ERMP1: variants seen among roughly 807,000 people sequenced by gnomAD.
ERMP1 encodes the protein endoplasmic reticulum metallopeptidase 1.
ERMP1 carries 86 observed loss-of-function variants against 92.0 expected under a neutral mutation model. The observed-to-expected ratio is 0.93, with a 90% CI of 0.79 to 1.12. The LOEUF is 1.12. Among genes scored for constraint, ERMP1 ranks in the 50% most tolerant of loss-of-function variants. ERMP1 has a pLI of 0.00. For synonymous variants in ERMP1, 530 were observed against 412.8 expected, an observed-to-expected ratio of 1.28 and a Z score of -3.44; for missense variants, 1,342 against 1,116.3, an observed-to-expected ratio of 1.20 and a Z score of -2.88.
chr9:5,833,067 G>C lies in ERMP1; in HGVS notation c.-40C>G, dbSNP rs1586830316. Reference sequence around the variant, plus strand: ...GCTGCCAGCCCAACCGCCCCAACCCGCGACAGCCCCGGCCGCCGCCGACGC... The same window carrying C: ...GCTGCCAGCCCAACCGCCCCAACCCCCGACAGCCCCGGCCGCCGCCGACGC... On this transcript the variant is annotated 5_prime_UTR_variant, in exon 1 of 15. Coordinates refer to ENST00000339450, the MANE Select transcript of ERMP1 (RefSeq NM_024896.3). 2.1e-6 allele frequency: 3 copies of C among 1,398,118 alleles called. No individual in the cohort carries two copies. Among genetic ancestry groups the C allele is most frequent in the Non-Finnish European group, 9.3e-7 (1 of 1,080,192 alleles). 86.6% of individuals were successfully genotyped at this position (1,398,118 alleles called of 1,614,324 possible).
chr9:5,814,505 G>A (rs907591602), intron 4 of ERMP1, among the ~76,000 whole-genome samples: 13 of 152,232 alleles, frequency 8.5e-5, no homozygotes, highest in Admixed American at 7.8e-4. Context: ...CACTTTAGGA[G>A]GCCGAGGTGG....
chr9:5,814,271 G>T (rs188473658), intron 4 of ERMP1, among the ~76,000 whole-genome samples: 1 of 152,194 alleles, frequency 6.6e-6, no homozygotes, highest in African/African-American at 2.4e-5. Context: ...AAACCAAAAT[G>T]CAACACGAGC....
chr9:5,825,134 A>C lies in ERMP1; in HGVS notation c.726T>G (p.Ala242=). 6.2e-7 allele frequency: 1 copy of C among 1,614,154 alleles called. No individual in the cohort carries two copies. Among genetic ancestry groups the C allele is most frequent in the Non-Finnish European group, 8.5e-7 (1 of 1,179,974 alleles). Residue 242 remains alanine (A), a synonymous_variant, in exon 3 of 15, where the codon GCT becomes GCG. Coordinates refer to ENST00000339450, the MANE Select transcript of ERMP1 (RefSeq NM_024896.3). ...LSTSSEALHH[A]VIFLFNGAEE... ...CAGCACCATTAAAGAGAAATATGAC[A>C]GCATGATGCAAGGCTTCTGAAGATG...
chr9:5,850,405 CAAAAAAAA>C (rs59464514), intron 6 of ERMP1, among the ~76,000 whole-genome samples: 23 of 40,598 alleles, frequency 5.7e-4, no homozygotes, highest in African/African-American at 1.8e-3. Flanking sequence ...AACTCCGTCT[CAAAAAAAA>C]AAAAAAAAAA....
At chr9:5,807,106 C>T (rs1190123805) in intron 8 of ERMP1, among the ~76,000 whole-genome samples, 3 of 152,310 alleles carry the variant, frequency 2.0e-5, no homozygotes. Context: ...AGTGCCCAAA[C>T]TGCACCAAAG....
At chr9:5,794,080 A>G (rs978991921) in intron 13 of ERMP1, among the ~76,000 whole-genome samples, 1 of 152,162 alleles carries the variant, frequency 6.6e-6, no homozygotes, top group African/African-American at 2.4e-5. Context: ...AATAGAATTC[A>G]TACAAAGTAT....
Position 5,811,173 on chromosome 9 carries a change from T to C in ERMP1, c.1265A>G (p.Tyr422Cys), listed in dbSNP as rs751893530. 5 of 1,613,970 alleles carry C rather than the reference T, an allele frequency of 3.1e-6. No homozygotes were observed. The highest frequency in any genetic ancestry group is 1.3e-5 in the African/African-American group (1 of 74,886). Residue 422 changes from tyrosine to cysteine, a missense_variant, in exon 7 of 15, where the codon TAC (tyrosine) becomes TGC (cysteine). Coordinates refer to ENST00000339450, the MANE Select transcript of ERMP1 (RefSeq NM_024896.3). ...CAAAACAACACCCATTACCACCATGTAGTTTATGATTGAGCCAATACGAGA... is the reference window on the plus strand; with the variant it reads ...CAAAACAACACCCATTACCACCATGCAGTTTATGATTGAGCCAATACGAGA... ...YPSRIGSIIN[Y>C]MVVMGVVLYL...
intron 13 of ERMP1, among the ~76,000 whole-genome samples, chr9:5,797,420 C>G (rs1012961378): frequency 2.0e-4 from 30 of 151,998 alleles, no homozygotes; most frequent in Non-Finnish European, 1.6e-4. Flanking sequence ...GAGGCCGAGG[C>G]AGGCAGACCA....
chr9:5,857,987 G>A (rs1830401702), intron 6 of ERMP1, among the ~76,000 whole-genome samples: 1 of 152,154 alleles, frequency 6.6e-6, no homozygotes, highest in African/African-American at 2.4e-5. Context: ...TCTTTTTCAG[G>A]TGCCCAGGAT....
At chr9:5,840,591 G>A (rs1026047981) in intron 6 of ERMP1, among the ~76,000 whole-genome samples, 2 of 152,242 alleles carry the variant, frequency 1.3e-5, no homozygotes, top group Admixed American at 6.5e-5. Flanking sequence ...GGAAAATAGG[G>A]ATGCAAGAGG....
At chr9:5,802,996 G>T (rs1828730086) in intron 10 of ERMP1, among the ~76,000 whole-genome samples, 1 of 152,056 alleles carries the variant, frequency 6.6e-6, no homozygotes, top group Admixed American at 6.5e-5. Flanking sequence ...TTACACCACT[G>T]CACTCCAGCC....
At chr9:5,855,875 G>T in intron 6 of ERMP1, 1 of 195,470 alleles carries the variant, frequency 5.1e-6, no homozygotes, top group South Asian at 1.0e-4. Flanking sequence ...AAAAATGGTG[G>T]AGCAAGCCTG....
rs901649320 is a variant in ERMP1 at position 5,823,837 on chromosome 9, T to C, written c.874+59A>G. The C allele has an allele frequency of 1.3e-5, 15 of 1,170,290 alleles. No individual in the cohort carries two copies. In the African/African-American group the frequency reaches 2.2e-4, roughly 17 times the overall value. 72.5% of individuals were successfully genotyped at this position (1,170,290 alleles called of 1,614,324 possible). On this transcript the variant is annotated intron_variant, in intron 4 of 14. Coordinates refer to ENST00000339450, the MANE Select transcript of ERMP1 (RefSeq NM_024896.3). Reference sequence around the variant, plus strand: ...GAAGATATTATTTATAATCAAAAACTTTCTACTTTTACAAAAACTAGAATT... The same window carrying C: ...GAAGATATTATTTATAATCAAAAACCTTCTACTTTTACAAAAACTAGAATT...
rs747599955 is a variant in ERMP1, at chr9:5,787,536, C to T, written c.2444G>A (p.Trp815Ter). 1 of 1,614,004 alleles carries T rather than the reference C, an allele frequency of 6.2e-7. No homozygotes were observed. Among genetic ancestry groups the T allele is most frequent in the South Asian group, 1.1e-5 (1 of 91,054 alleles). The change falls in exon 14 of 15, where the codon TGG (tryptophan) becomes TAG (stop). Residue 815 changes from tryptophan to a stop codon, truncating the protein, a stop_gained. Coordinates refer to ENST00000339450, the MANE Select transcript of ERMP1 (RefSeq NM_024896.3). LOFTEE classifies it high-confidence loss of function. ...RAHKGSTLSQ[W>*]SLGNGTPVTS... Reference sequence around the variant, plus strand: ...GACTGGGGTGCCATTGCCAAGAGACCACTGAGAAAGTGTTGACCCTTTGTG... The same window carrying T: ...GACTGGGGTGCCATTGCCAAGAGACTACTGAGAAAGTGTTGACCCTTTGTG...
At chr9:5,821,558 T>C (rs963816331) in intron 4 of ERMP1, among the ~76,000 whole-genome samples, 5 of 152,220 alleles carry the variant, frequency 3.3e-5, no homozygotes, top group Admixed American at 3.3e-4. Flanking sequence ...AGTCTGGACC[T>C]GACTAGCCCT....
intron 13 of ERMP1, among the ~76,000 whole-genome samples, chr9:5,792,374 G>A (rs538459506): frequency 6.6e-6 from 1 of 152,304 alleles, no homozygotes; most frequent in African/African-American, 2.4e-5. Flanking sequence ...GAAGCTGGAA[G>A]ACCTAACTGC....
At chr9:5,831,111 C>T (rs1829921973) in intron 1 of ERMP1, 83 bp from the exon 2 acceptor site, 1 of 1,079,736 alleles carries the variant, frequency 9.3e-7, no homozygotes, top group Non-Finnish European at 1.4e-6. Flanking sequence ...CACACCCCTT[C>T]CTCCCCAAAA....
At chr9:5,845,179 A>G (rs1183394414) in intron 6 of ERMP1, among the ~76,000 whole-genome samples, 1 of 149,026 alleles carries the variant, frequency 6.7e-6, no homozygotes, top group Non-Finnish European at 1.5e-5. Context: ...TGGTGGTTTA[A>G]TTTTTTTATA....
chr9:5,861,035 T>A (rs1355324204), intron 5 of ERMP1, among the ~76,000 whole-genome samples: 3 of 152,150 alleles, frequency 2.0e-5, no homozygotes, highest in African/African-American at 7.2e-5. Flanking sequence ...TTTCTGTTCA[T>A]TGTAATTTCC....
Sources: gnomAD v4.1 joint callset for allele counts (sites outside exome capture counted in the v4.1 genomes callset) on GRCh38, gnomAD v4.1.1 for gene constraint, MANE v1.5 for transcripts, NCBI Gene and HGNC (gene_info 2026-07-23, HGNC 2026-07-21) for gene names.